The following CFAP47 variants were observed in gnomAD, a reference collection of about 807,000 sequenced individuals.
CFAP47 encodes cilia- and flagella-associated protein 47.
CFAP47 carries 29 observed loss-of-function variants against 148.1 expected under a neutral mutation model. The ratio of observed to expected loss-of-function variants is 0.20; its 90% CI spans 0.15 to 0.27. The LOEUF is 0.27. CFAP47 is among the 10% of genes least tolerant of loss of function. The pLI is 1.00. For synonymous variants in CFAP47, 664 were observed against 577.3 expected (o/e 1.15, Z -2.15); for missense variants, 1,872 against 1,697.5 (o/e 1.10, Z -1.81).
intron 62 of CFAP47, among the ~76,000 whole-genome samples, chrX:36,372,342 G>T (rs990171147): frequency 9.0e-6 from 1 of 111,435 alleles, no homozygotes; most frequent in Non-Finnish European, 1.9e-5. Context: ...TTCTGCGAGT[G>T]TTGTGTGATA....
At chrX:36,143,417 C>T (rs748930569) in intron 35 of CFAP47, among the ~76,000 whole-genome samples, 1 of 111,882 alleles carries the variant, frequency 8.9e-6, no homozygotes, top group East Asian at 2.8e-4. Flanking sequence ...ATTGGGTCTC[C>T]TTGGCTTTCA....
intron 57 of CFAP47, among the ~76,000 whole-genome samples, chrX:36,325,280 A>G (rs1941509185): frequency 9.0e-6 from 1 of 111,629 alleles, no homozygotes; most frequent in African/African-American, 3.3e-5. Flanking sequence ...ACACTATAAG[A>G]TAAATTCCAT....
At chrX:36,148,086 T>C (rs1012098385) in intron 36 of CFAP47, among the ~76,000 whole-genome samples, 2 of 111,429 alleles carry the variant, frequency 1.8e-5, no homozygotes, top group African/African-American at 6.5e-5. Context: ...GGGAGAGAGA[T>C]TGAGCTCAAC....
intron 56 of CFAP47, among the ~76,000 whole-genome samples, chrX:36,315,216 G>A (rs1046439074): frequency 4.5e-5 from 5 of 111,920 alleles, no homozygotes; most frequent in African/African-American, 9.7e-5. Context: ...AAAATAGTCC[G>A]ATGCTAAATA....
intron 40 of CFAP47, among the ~76,000 whole-genome samples, chrX:36,185,559 AC>A (rs1349262485): frequency 2.8e-4 from 31 of 112,153 alleles, no homozygotes; most frequent in African/African-American, 1.0e-3. Context: ...AGGCAATTGC[AC>A]TTTGAAGAAT....
intron 22 of CFAP47, among the ~76,000 whole-genome samples, chrX:36,016,218 G>A (rs772575570): frequency 9.1e-6 from 1 of 109,881 alleles, no homozygotes; most frequent in African/African-American, 3.3e-5. Context: ...TCACCCTGTT[G>A]TGCTAGCTAA....
chrX:36,357,189 G>A (rs1289305855), intron 60 of CFAP47, among the ~76,000 whole-genome samples: 1 of 111,797 alleles, frequency 8.9e-6, no homozygotes, highest in Non-Finnish European at 1.9e-5. Flanking sequence ...TTTTCCACCC[G>A]TGGCAAGTCA....
chrX:36,093,833 A>T (rs1237493646), intron 30 of CFAP47, among the ~76,000 whole-genome samples: 1 of 110,891 alleles, frequency 9.0e-6, no homozygotes, highest in Non-Finnish European at 1.9e-5. Context: ...TTGTCCTATT[A>T]TAGGATTTGT....
chrX:36,246,393 A>C (rs781950513), intron 48 of CFAP47, among the ~76,000 whole-genome samples: 4 of 112,051 alleles, frequency 3.6e-5, no homozygotes, highest in Non-Finnish European at 7.5e-5. Context: ...GCTATAAAGA[A>C]CTGCCCAAGG....
At chrX:36,038,340 G>T (rs773845950) in intron 24 of CFAP47, among the ~76,000 whole-genome samples, 6 of 111,783 alleles carry the variant, frequency 5.4e-5, no homozygotes, top group Non-Finnish European at 1.1e-4. Context: ...TGGAGATTTC[G>T]ATGTGAAAGG....
Position 36,384,735 on chromosome X carries a change from T to G in CFAP47, c.9355-62T>G, listed in dbSNP as rs781816647. The stretch of plus-strand genomic sequence containing the variant: ...GAAGATGTTAATTATAGTGAACTTT[T>G]CCCTACATGTTTTGAAGTCCCTGGA... On this transcript the variant is annotated intron_variant, in intron 63 of 63. Transcript: ENST00000378653. The G allele has an allele frequency of 1.3e-4, 115 of 858,664 alleles. No individual in the cohort carries two copies. The South Asian group carries it at 1.8e-3, about 14-fold the overall frequency. The allele number at this position is 858,664 out of a possible 1,213,427, so 70.8% of individuals were successfully genotyped here. A position where few individuals can be genotyped will look rare whatever the true frequency, so the allele number is the denominator to read the frequency against.
intron 46 of CFAP47, among the ~76,000 whole-genome samples, chrX:36,235,424 G>C (rs935341557): frequency 1.8e-5 from 2 of 112,599 alleles, no homozygotes; most frequent in African/African-American, 6.4e-5. Context: ...CTCCGAGCCA[G>C]GTGGGGGATA....
chrX:36,303,240 G>A (rs951729322), intron 53 of CFAP47, among the ~76,000 whole-genome samples: 3 of 111,573 alleles, frequency 2.7e-5, no homozygotes, highest in East Asian at 2.8e-4. Flanking sequence ...AGGCTGGAGC[G>A]CAGTGGTGCA....
intron 30 of CFAP47, among the ~76,000 whole-genome samples, chrX:36,096,837 T>C (rs1484705341): frequency 2.7e-5 from 3 of 111,382 alleles, no homozygotes; most frequent in African/African-American, 9.8e-5. Context: ...TCCATTTACA[T>C]TCAATGCTAT....
intron 21 of CFAP47, among the ~76,000 whole-genome samples, chrX:36,010,679 C>T (rs762838852): frequency 1.1e-3 from 124 of 111,050 alleles, no homozygotes; most frequent in Non-Finnish European, 1.4e-3. Context: ...AGGATGGTCT[C>T]GATCTCCTGA....
chrX:36,322,351 TC>T (rs1185686029), intron 57 of CFAP47, among the ~76,000 whole-genome samples: 1 of 110,799 alleles, frequency 9.0e-6, no homozygotes, highest in Non-Finnish European at 1.9e-5. Context: ...CCCGCCCAAA[TC>T]CCAATTATTA....
intron 40 of CFAP47, 25 bp downstream of exon 40, chrX:36,179,447 T>C (rs1370718340): frequency 6.8e-6 from 2 of 294,307 alleles, no homozygotes; most frequent in East Asian, 4.8e-5. Flanking sequence ...TTTGTACTCA[T>C]AAGTATCTGA....
intron 37 of CFAP47, among the ~76,000 whole-genome samples, chrX:36,157,909 C>T (rs1217744595): frequency 8.9e-6 from 1 of 111,733 alleles, no homozygotes; most frequent in East Asian, 2.8e-4. Flanking sequence ...GTTCTTTGTT[C>T]TCAGTTAAAT....
chrX:35,967,253 A>G (rs1176690735), intron 9 of CFAP47, among the ~76,000 whole-genome samples: 1 of 111,046 alleles, frequency 9.0e-6, no homozygotes, highest in Non-Finnish European at 1.9e-5. Flanking sequence ...TGACTATTCT[A>G]TGGATTTACT....
Sources: gnomAD v4.1 joint callset for allele counts (sites outside exome capture counted in the v4.1 genomes callset) on GRCh38, gnomAD v4.1.1 for gene constraint, MANE v1.5 for transcripts, NCBI Gene and HGNC (gene_info 2026-07-23, HGNC 2026-07-21) for gene names.